HECW2: variants seen among roughly 807,000 people sequenced by gnomAD.
HECW2 encodes E3 ubiquitin-protein ligase HECW2.
Under a neutral mutation model 175.2 loss-of-function variants are expected in HECW2, and 61 were observed. The observed-to-expected ratio is 0.35, with a 90% CI of 0.28 to 0.43. HECW2 has a LOEUF of 0.43. Ranked by LOEUF, HECW2 falls within the 20% of genes least tolerant of loss-of-function variation. The pLI, the probability that HECW2 is intolerant of heterozygous loss-of-function variation, is 1.00. For synonymous variants in HECW2, 671 were observed against 731.0 expected, an observed-to-expected ratio of 0.92 and a Z score of 1.32; for missense variants, 1,524 against 2,000.5, an observed-to-expected ratio of 0.76 and a Z score of 4.54.
chr2:196,515,126 G>T (rs1330786739), intron 1 of HECW2, among the ~76,000 whole-genome samples: 1 of 152,222 alleles, frequency 6.6e-6, no homozygotes, highest in African/African-American at 2.4e-5. Flanking sequence ...CAGAAGCCAT[G>T]TGCAGTACAT....
At chr2:196,291,690 A>C (rs1399393355) in intron 14 of HECW2, 1 of 152,206 alleles carries the variant, frequency 6.6e-6, no homozygotes, top group Non-Finnish European at 1.5e-5. Flanking sequence ...GCTGGCCTAC[A>C]GCGTGGCTCA....
At position 196,398,847 on chromosome 2, in the gene HECW2, G is replaced by A. The variant is rs559699118; in HGVS notation, c.292+34285C>T. Among the ~76,000 whole-genome samples, 35 of 152,232 alleles carry A rather than the reference G, an allele frequency of 2.3e-4. No homozygotes were observed. In the South Asian group the frequency reaches 6.2e-3, roughly 27 times the overall value. ...TACTGAGCTAAGCATGGTGGTGCAC[G>A]CCTGTAGTCCCAGCTACTTGCATTT... On this transcript the variant is annotated intron_variant, in intron 2 of 28. Coordinates refer to ENST00000644978, the MANE Select transcript of HECW2 (RefSeq NM_001348768.2).
intron 2 of HECW2, among the ~76,000 whole-genome samples, chr2:196,375,184 G>T (rs1375088923): frequency 6.7e-6 from 1 of 150,076 alleles, no homozygotes; most frequent in Non-Finnish European, 1.5e-5. Context: ...AGAAAAAAAA[G>T]AAAAAGAAAA....
chr2:196,354,368 G>A (rs1371836266), intron 2 of HECW2, among the ~76,000 whole-genome samples: 1 of 152,180 alleles, frequency 6.6e-6, no homozygotes, highest in Non-Finnish European at 1.5e-5. Flanking sequence ...TGGTTGGAAT[G>A]GCCGGCCAGA....
intron 10 of HECW2, chr2:196,316,863 T>C (rs1691717422): frequency 6.3e-6 from 1 of 157,716 alleles, no homozygotes; most frequent in South Asian, 2.0e-4. Flanking sequence ...CTTAATGATT[T>C]TAAATGCTGT....
intron 17 of HECW2, among the ~76,000 whole-genome samples, chr2:196,261,646 T>C (rs760745583): frequency 1.3e-5 from 2 of 152,226 alleles, no homozygotes; most frequent in Non-Finnish European, 2.9e-5. Flanking sequence ...CATTGGTGAT[T>C]TGGCTTCTGA....
In HECW2 at chr2:196,200,933, GGTAA is replaced by G. The variant is rs1340155765; in HGVS notation, c.*340_*343del. On this transcript the variant is annotated 3_prime_UTR_variant, in exon 29 of 29. Coordinates refer to ENST00000644978, the MANE Select transcript of HECW2 (RefSeq NM_001348768.2). ...CAGTTTGGCTTGAACCACGTTCAAG[GGTAA>G]GTTTCAAGATTCTCCTGAGTCCCTA... 1 of 174,210 alleles carries G rather than the reference GGTAA, an allele frequency of 5.7e-6. No individual in the cohort carries two copies. Among genetic ancestry groups the G allele is most frequent in the African/African-American group, 2.4e-5 (1 of 42,372 alleles). The allele number at this position is 174,210 out of a possible 1,614,324, so 10.8% of individuals were successfully genotyped here. A position where few individuals can be genotyped will look rare whatever the true frequency, so the allele number is the denominator to read the frequency against.
At chr2:196,405,903 A>T (rs868783956) in intron 2 of HECW2, among the ~76,000 whole-genome samples, 1 of 152,076 alleles carries the variant, frequency 6.6e-6, no homozygotes, top group African/African-American at 2.4e-5. Context: ...CCCTTGACAC[A>T]TTGCCAAGCC....
intron 1 of HECW2, among the ~76,000 whole-genome samples, chr2:196,556,901 A>G (rs1689812362): frequency 6.6e-6 from 1 of 152,246 alleles, no homozygotes; most frequent in African/African-American, 2.4e-5. Flanking sequence ...TACTTGCAGT[A>G]TTCCTGATTA....
chr2:196,238,435 GTTTCTTTC>G (rs3054196), intron 21 of HECW2: 1 of 37,938 alleles, frequency 2.6e-5, no homozygotes, highest in African/African-American at 6.0e-5. Flanking sequence ...GTAGCTCAAG[GTTTCTTTC>G]TTTCTTTCTT....
At chr2:196,560,214 C>T (rs140970962) in intron 1 of HECW2, among the ~76,000 whole-genome samples, 13,346 of 152,162 alleles carry the variant, frequency 0.088, 654 homozygotes, top group Middle Eastern at 0.14. Flanking sequence ...GGCGCGATCT[C>T]GGCTCACTGC....
At chr2:196,530,420 A>T (rs1688802581) in intron 1 of HECW2, among the ~76,000 whole-genome samples, 1 of 152,152 alleles carries the variant, frequency 6.6e-6, no homozygotes, top group Non-Finnish European at 1.5e-5. Context: ...ATCCCTACAG[A>T]ATCCAGACCA....
chr2:196,211,911 C>G (rs1164773018), intron 28 of HECW2, among the ~76,000 whole-genome samples: 1 of 152,250 alleles, frequency 6.6e-6, no homozygotes, highest in Non-Finnish European at 1.5e-5. Context: ...ATTGCCATCT[C>G]GGCTCACTGC....
chr2:196,232,054 A>C lies in HECW2; in HGVS notation c.3765-3800T>G, dbSNP rs908534329. ...TACGCAACCTCAAGGAGTGGGTAGAATACTAAGTGTGAGGCACAGAGTGAG... is the reference window on the plus strand; with the variant it reads ...TACGCAACCTCAAGGAGTGGGTAGACTACTAAGTGTGAGGCACAGAGTGAG... On this transcript the variant is annotated intron_variant, in intron 21 of 28. Transcript: ENST00000644978. 6.6e-5 allele frequency among the ~76,000 whole-genome samples: 10 copies of C among 152,180 alleles called. 1 individual carries two copies. Among genetic ancestry groups the C allele is most frequent in the African/African-American group, 2.4e-4 (10 of 41,448 alleles).
intron 2 of HECW2, among the ~76,000 whole-genome samples, chr2:196,384,139 A>G (rs531481251): frequency 6.6e-6 from 1 of 152,344 alleles, no homozygotes; most frequent in South Asian, 2.1e-4. Flanking sequence ...TGGATTGTTT[A>G]ACAAGCTCAT....
At chr2:196,334,185 C>A (rs1289706854) in intron 4 of HECW2, among the ~76,000 whole-genome samples, 3 of 152,186 alleles carry the variant, frequency 2.0e-5, no homozygotes, top group Non-Finnish European at 2.9e-5. Flanking sequence ...AATGGGTTCC[C>A]CGGAGAGTCG....
intron 1 of HECW2, among the ~76,000 whole-genome samples, chr2:196,502,657 T>C (rs1008714859): frequency 1.3e-5 from 2 of 152,242 alleles, no homozygotes; most frequent in Non-Finnish European, 2.9e-5. Context: ...ATCCCATGAC[T>C]GTTCCTTCCT....
chr2:196,421,024 C>A (rs185438112), intron 2 of HECW2, among the ~76,000 whole-genome samples: 4 of 152,176 alleles, frequency 2.6e-5, no homozygotes, highest in Admixed American at 2.0e-4. Context: ...AACTCAATTA[C>A]ATATGTCAAA....
At chr2:196,383,094 C>CAGTGGAGCCAGATATAGT (rs1694252913) in intron 2 of HECW2, among the ~76,000 whole-genome samples, 1 of 152,094 alleles carries the variant, frequency 6.6e-6, no homozygotes, top group Non-Finnish European at 1.5e-5. Flanking sequence ...AAAGTTGAAG[C>CAGTGGAGCCAGATATAGT]AGTGGAGCCA....
Sources: allele counts gnomAD v4.1 joint callset (sites outside exome capture counted in the v4.1 genomes callset), GRCh38; gene constraint gnomAD v4.1.1; transcripts MANE v1.5; gene names NCBI Gene and HGNC (gene_info 2026-07-23, HGNC 2026-07-21).